Variants in SYN2 observed in about 807,000 individuals in gnomAD.
SYN2 encodes the protein synapsin II, also known as synapsin-2.
A neutral mutation model predicts 50.9 loss-of-function variants in SYN2; 19 were observed. The ratio of observed to expected loss-of-function variants is 0.37; its 90% confidence interval spans 0.26 to 0.55. The LOEUF is 0.55. Ranked by LOEUF, SYN2 falls within the 20% of genes least tolerant of loss-of-function variation. The pLI, the probability that SYN2 is intolerant of heterozygous loss-of-function variation, is 0.81. For synonymous variants in SYN2, 255 were observed against 224.9 expected (o/e 1.13, Z -1.20); for missense variants, 587 against 576.4 (o/e 1.02, Z -0.19).
chr3:12,010,099 AAAAT>A (rs746192315), intron 1 of SYN2, among the ~76,000 whole-genome samples: 1 of 152,184 alleles, frequency 6.6e-6, no homozygotes, highest in Non-Finnish European at 1.5e-5. Flanking sequence ...CATCTCCAAA[AAAAT>A]AAATAAAATA....
chr3:12,160,590 T>C lies in SYN2; in HGVS notation c.775-956T>C, dbSNP rs560044232. ...GCATCCAGGCTGGTTCTTCATACAA[T>C]GTTCAGACCAAGATAGAGGCTGATG... is the stretch of plus-strand genomic sequence containing the variant. On this transcript the variant is annotated intron_variant, in intron 5 of 12. Transcript: ENST00000621198. 5.0e-4 allele frequency among the ~76,000 whole-genome samples: 76 copies of C among 152,336 alleles called. 1 individual carries two copies. Among genetic ancestry groups the C allele is most frequent in the African/African-American group, 1.6e-3 (68 of 41,576 alleles).
At chr3:12,057,287 CTGTGTGTGTGTGTGTGTG>C (rs59286785) in intron 1 of SYN2, among the ~76,000 whole-genome samples, 6 of 134,004 alleles carry the variant, frequency 4.5e-5, no homozygotes, top group Admixed American at 3.9e-4. Flanking sequence ...GCAAGACTGT[CTGTGTGTGTGTGTGTGTG>C]TGTGTGTGTG....
At chr3:12,008,440 G>A (rs754531725) in intron 1 of SYN2, among the ~76,000 whole-genome samples, 18 of 152,154 alleles carry the variant, frequency 1.2e-4, no homozygotes, top group Non-Finnish European at 2.2e-4. Flanking sequence ...TTACTAAAAA[G>A]TAGGGCCTTT....
At chr3:12,014,127 G>A (rs1351924959) in intron 1 of SYN2, among the ~76,000 whole-genome samples, 1 of 152,156 alleles carries the variant, frequency 6.6e-6, no homozygotes, top group Non-Finnish European at 1.5e-5. Context: ...ACAATGGTCT[G>A]TTTATGTGTC....
chr3:12,048,830 T>G (rs563490033), intron 1 of SYN2, among the ~76,000 whole-genome samples: 1 of 152,230 alleles, frequency 6.6e-6, no homozygotes, highest in East Asian at 1.9e-4. Flanking sequence ...AATCTAAGTT[T>G]GTCCAATTCT....
At chr3:12,125,527 G>A (rs1264086150) in intron 1 of SYN2, among the ~76,000 whole-genome samples, 1 of 152,118 alleles carries the variant, frequency 6.6e-6, no homozygotes, top group African/African-American at 2.4e-5. Flanking sequence ...CTTTATTCAG[G>A]TCTGATCTGA....
intron 1 of SYN2, among the ~76,000 whole-genome samples, chr3:12,106,089 G>C (rs1288485789): frequency 6.6e-6 from 1 of 152,146 alleles, no homozygotes; most frequent in African/African-American, 2.4e-5. Flanking sequence ...GCTCATTCTT[G>C]TTGGCAGAAT....
In SYN2 at chr3:12,169,819, C is replaced by T. The variant is rs377276653; in HGVS notation, c.1221C>T (p.Thr407=). 7.8e-5 allele frequency: 126 copies of T among 1,613,936 alleles called. No individual in the cohort carries two copies. In the African/African-American group the frequency reaches 8.8e-4, roughly 11 times the overall value. ...EHQVEDRQLI[T]ELVISKMNQL... ...AGGTGGAGGACAGGCAACTCATCAC[C>T]GAACTAGTCATCAGCAAGATGAACC... Residue 407 remains threonine, a synonymous_variant, in exon 10 of 13, where the codon ACC becomes ACT. Coordinates refer to ENST00000621198, the MANE Select transcript of SYN2 (RefSeq NM_133625.6).
intron 5 of SYN2, chr3:12,158,549 G>C (rs1217989972): frequency 2.6e-6 from 3 of 1,140,256 alleles, no homozygotes; most frequent in Middle Eastern, 2.0e-4. Flanking sequence ...TTGCTATGGC[G>C]CCTGGTCCTT....
intron 3 of SYN2, among the ~76,000 whole-genome samples, chr3:12,142,233 C>T (rs1434592435): frequency 6.6e-6 from 1 of 152,194 alleles, no homozygotes; most frequent in Non-Finnish European, 1.5e-5. Context: ...ACTGAGAGCT[C>T]ACTTAGACAT....
intron 1 of SYN2, among the ~76,000 whole-genome samples, chr3:12,114,759 A>G (rs1406680301): frequency 6.6e-6 from 1 of 152,126 alleles, no homozygotes; most frequent in Non-Finnish European, 1.5e-5. Context: ...GAAATGTACT[A>G]TTTCTTCTTT....
At chr3:12,091,038 C>T (rs1367997590) in intron 1 of SYN2, among the ~76,000 whole-genome samples, 1 of 152,160 alleles carries the variant, frequency 6.6e-6, no homozygotes, top group Non-Finnish European at 1.5e-5. Context: ...AAACTTCCTT[C>T]TTCTATCTCT....
chr3:12,028,099 C>A (rs1375241819), intron 1 of SYN2, among the ~76,000 whole-genome samples: 1 of 120,184 alleles, frequency 8.3e-6, no homozygotes, highest in Non-Finnish European at 1.6e-5. Flanking sequence ...TGTTCAATTC[C>A]CACCTATGAG....
chr3:12,080,453 G>A (rs1358635933), intron 1 of SYN2, among the ~76,000 whole-genome samples: 3 of 151,482 alleles, frequency 2.0e-5, no homozygotes, highest in South Asian at 2.1e-4. Context: ...CTATAAATTC[G>A]CCTTTTAACC....
At chr3:12,154,440 T>G in intron 5 of SYN2, 1 of 1,614,120 alleles carries the variant, frequency 6.2e-7, no homozygotes, top group Non-Finnish European at 8.5e-7. Flanking sequence ...TTTCCATCAC[T>G]GAGGACCTGA....
At chr3:12,014,994 C>T (rs1693998098) in intron 1 of SYN2, among the ~76,000 whole-genome samples, 1 of 152,190 alleles carries the variant, frequency 6.6e-6, no homozygotes, top group Non-Finnish European at 1.5e-5. Flanking sequence ...ACACAGCAAG[C>T]ATTCATGATC....
intron 1 of SYN2, among the ~76,000 whole-genome samples, chr3:12,019,560 A>C (rs1694088514): frequency 6.6e-6 from 1 of 152,164 alleles, no homozygotes; most frequent in African/African-American, 2.4e-5. Flanking sequence ...AACTTGGCAA[A>C]ATGGGATGAG....
intron 1 of SYN2, among the ~76,000 whole-genome samples, chr3:12,085,107 G>C (rs1231995811): frequency 4.9e-5 from 1 of 20,444 alleles, no homozygotes; most frequent in South Asian, 2.4e-3. Context: ...GGCTGACTGG[G>C]TAAAAAAAAA....
At chr3:12,095,819 T>G (rs75977141) in intron 1 of SYN2, among the ~76,000 whole-genome samples, 3 of 151,974 alleles carry the variant, frequency 2.0e-5, no homozygotes, top group Admixed American at 6.5e-5. Context: ...CTTGGGTGAT[T>G]GCAGCCATCA....
Sources: allele counts gnomAD v4.1 joint callset (sites outside exome capture counted in the v4.1 genomes callset), GRCh38; gene constraint gnomAD v4.1.1; transcripts MANE v1.5; gene names NCBI Gene and HGNC (gene_info 2026-07-23, HGNC 2026-07-21).